The following EBF2 variants were observed in gnomAD, a reference collection of about 807,000 sequenced individuals.
EBF2 encodes EBF transcription factor 2.
In EBF2, 21 loss-of-function variants were observed where a neutral mutation model predicts 72.8. The ratio of observed to expected loss-of-function variants is 0.29; its 90% CI spans 0.20 to 0.42. The LOEUF is 0.42. Among genes scored for constraint, EBF2 ranks in the 10% least tolerant of loss-of-function variants. The pLI is 1.00. For missense variants in EBF2, 637 were observed against 731.2 expected, an observed-to-expected ratio of 0.87 and a Z score of 1.49; for synonymous variants, 299 against 274.2, an observed-to-expected ratio of 1.09 and a Z score of -0.89.
At chr8:25,986,609 A>G (rs1455112051) in intron 6 of EBF2, among the ~76,000 whole-genome samples, 1 of 152,078 alleles carries the variant, frequency 6.6e-6, no homozygotes, top group Non-Finnish European at 1.5e-5. Flanking sequence ...GTCAACCTTT[A>G]TTTTGTAAAT....
At chr8:26,031,998 T>G (rs1158000045) in intron 6 of EBF2, 1 of 152,218 alleles carries the variant, frequency 6.6e-6, no homozygotes, top group Non-Finnish European at 1.5e-5. Flanking sequence ...ACAAACATTT[T>G]ATATTTGCCC....
intron 6 of EBF2, among the ~76,000 whole-genome samples, chr8:25,973,442 GCA>G (rs1464308428): frequency 6.6e-6 from 1 of 152,164 alleles, no homozygotes; most frequent in African/African-American, 2.4e-5. Context: ...TGGCTTGAAT[GCA>G]CAGTTAAGCA....
intron 10 of EBF2, among the ~76,000 whole-genome samples, chr8:25,877,279 T>C (rs1318314822): frequency 1.3e-5 from 2 of 152,188 alleles, no homozygotes; most frequent in African/African-American, 4.8e-5. Flanking sequence ...TTTTCTGCAT[T>C]GCCAGTTCTC....
intron 6 of EBF2, among the ~76,000 whole-genome samples, chr8:25,995,550 A>G (rs1804611420): frequency 6.6e-6 from 1 of 152,188 alleles, no homozygotes. Flanking sequence ...TATTTAAAAG[A>G]ACACTCAGAT....
chr8:25,967,854 A>C (rs1468109656), intron 6 of EBF2, among the ~76,000 whole-genome samples: 1 of 152,202 alleles, frequency 6.6e-6, no homozygotes, highest in African/African-American at 2.4e-5. Context: ...CACGTAAAAC[A>C]AGGGTAAGAA....
intron 6 of EBF2, among the ~76,000 whole-genome samples, chr8:25,982,790 C>T (rs1804383592): frequency 6.6e-6 from 1 of 152,014 alleles, no homozygotes; most frequent in African/African-American, 2.4e-5. Context: ...CACTATAGAA[C>T]CCACCATGTA....
intron 4 of EBF2, 112 bp downstream of exon 4, chr8:26,040,504 G>A: frequency 1.0e-6 from 1 of 997,370 alleles, no homozygotes. Flanking sequence ...GGAGGGGGCT[G>A]TGGAGTCTGA....
rs376049842 is a variant in EBF2 at position 25,988,837 on chromosome 8, T to C, written c.551+44248A>G. ...ATTTGCCCCAAGTCGCATAACTAAA[T>C]AGTGGAAAAGCAAGAACTTCTACTC... On this transcript the variant is annotated intron_variant, in intron 6 of 15. Coordinates refer to ENST00000520164, the MANE Select transcript of EBF2 (RefSeq NM_022659.4). 1.1e-3 allele frequency among the ~76,000 whole-genome samples: 172 copies of C among 152,276 alleles called. 2 individuals are homozygous for C. Among genetic ancestry groups the C allele is most frequent in the African/African-American group, 4.0e-3 (168 of 41,556 alleles).
chr8:26,007,171 G>A (rs1387072461), intron 6 of EBF2, among the ~76,000 whole-genome samples: 1 of 152,110 alleles, frequency 6.6e-6, no homozygotes, highest in Non-Finnish European at 1.5e-5. Context: ...TTTCTTCTGC[G>A]ATCTGATCAT....
chr8:25,951,490 C>T (rs769665572), intron 6 of EBF2, among the ~76,000 whole-genome samples: 11 of 152,166 alleles, frequency 7.2e-5, no homozygotes, highest in Non-Finnish European at 1.3e-4. Context: ...CCAATGGCCA[C>T]CTGGTATTTT....
chr8:25,968,623 A>T (rs1346396590), intron 6 of EBF2, among the ~76,000 whole-genome samples: 1 of 152,134 alleles, frequency 6.6e-6, no homozygotes, highest in Non-Finnish European at 1.5e-5. Context: ...GTGCTGTGGC[A>T]TGATCTCAGC....
intron 6 of EBF2, among the ~76,000 whole-genome samples, chr8:25,917,530 C>T (rs2117130696): frequency 6.6e-6 from 1 of 152,260 alleles, no homozygotes; most frequent in South Asian, 2.1e-4. Flanking sequence ...TTATCCTTTC[C>T]TCTGTCTTCT....
intron 10 of EBF2, among the ~76,000 whole-genome samples, chr8:25,864,495 C>T (rs1232343345): frequency 8.5e-6 from 1 of 117,642 alleles, no homozygotes; most frequent in East Asian, 2.1e-4. Flanking sequence ...CTGGTAGATA[C>T]ACACAAACAC....
At chr8:25,876,788 T>C (rs1238599984) in intron 10 of EBF2, among the ~76,000 whole-genome samples, 1 of 152,212 alleles carries the variant, frequency 6.6e-6, no homozygotes, top group Non-Finnish European at 1.5e-5. Context: ...GGCAAGTGAC[T>C]TAATTTCTCT....
intron 6 of EBF2, among the ~76,000 whole-genome samples, chr8:25,992,293 C>T (rs1585219027): frequency 8.2e-6 from 1 of 121,598 alleles, no homozygotes; most frequent in Non-Finnish European, 1.6e-5. Flanking sequence ...ACGATCGCGC[C>T]ATTGCACTCC....
chr8:25,905,628 A>C (rs1585190180), intron 7 of EBF2, among the ~76,000 whole-genome samples: 1 of 152,222 alleles, frequency 6.6e-6, no homozygotes, highest in East Asian at 1.9e-4. Context: ...AATTCCCAGA[A>C]TAGACAAACC....
rs988645081 is a variant in EBF2 at position 25,887,969 on chromosome 8, G to T, written c.755C>A (p.Thr252Asn). 14 of 1,606,842 alleles carry T rather than the reference G, an allele frequency of 8.7e-6. No individual in the cohort carries two copies. The highest frequency in any genetic ancestry group is 2.2e-5 in the South Asian group (2 of 89,852). The change falls in exon 9 of 16, where the codon ACC (threonine) becomes AAC (asparagine). Residue 252 changes from threonine (T) to asparagine (N), a missense_variant. By Grantham distance (65) the Thr-to-Asn change is moderately conservative. Around this residue, in one of 3 missense-constraint regions of EBF2, gnomAD observed 204 missense variants for 301.2 expected, o/e 0.68. Coordinates refer to ENST00000520164, the MANE Select transcript of EBF2 (RefSeq NM_022659.4). ...RARRLDPSEATPCIKAISPSE... is the reference protein window; with the variant it reads ...RARRLDPSEANPCIKAISPSE... ...CGGGCTAATGGCTTTGATGCAGGGG[G>T]TAGCTAAGAAGACAGGAAAGAAAAA...
chr8:25,899,409 A>T (rs921039976), intron 7 of EBF2, among the ~76,000 whole-genome samples: 4 of 152,152 alleles, frequency 2.6e-5, no homozygotes, highest in Non-Finnish European at 5.9e-5. Context: ...CCGGATTTCA[A>T]ATGGTAGATG....
rs780847848 is a variant in EBF2, at chr8:26,044,197, C to T, written c.131+532G>A. 6.6e-6 allele frequency among the ~76,000 whole-genome samples: 1 copy of T among 152,210 alleles called. No individual in the cohort carries two copies. The highest frequency in any genetic ancestry group is 1.5e-5 in the Non-Finnish European group (1 of 68,030). On this transcript the variant is annotated intron_variant, in intron 1 of 15. Transcript: ENST00000520164. This position sits in a 1 kb window ranked among gnomAD's most constrained non-coding sequence, Gnocchi z 4.1. ...AGAGCTCCCGGCCGCCTCGTCTTCCCGGGCAGCCGCTCCGGCTTTTCCCGC... is the reference window on the plus strand; with the variant it reads ...AGAGCTCCCGGCCGCCTCGTCTTCCTGGGCAGCCGCTCCGGCTTTTCCCGC...
Sources: allele counts gnomAD v4.1 joint callset (sites outside exome capture counted in the v4.1 genomes callset), GRCh38; gene constraint gnomAD v4.1.1; regional missense constraint gnomAD v4.1.1; non-coding constraint Gnocchi (gnomAD v3.1); transcripts MANE v1.5; gene names NCBI Gene and HGNC (gene_info 2026-07-23, HGNC 2026-07-21).